C1orf141: variants seen among roughly 807,000 people sequenced by gnomAD.
C1orf141 encodes the protein uncharacterized protein C1orf141.
C1orf141 carries 19 observed loss-of-function variants against 23.2 expected under a neutral mutation model. The observed-to-expected ratio is 0.82, with a 90% confidence interval of 0.57 to 1.20. C1orf141 has a LOEUF of 1.20. Among genes scored for constraint, C1orf141 ranks in the 50% most tolerant of loss-of-function variants. The probability of loss-of-function intolerance (pLI) is 0.00; values close to 1 mark genes in which losing one functional copy is unlikely to be tolerated. For missense variants in C1orf141, 469 were observed against 455.1 expected, an observed-to-expected ratio of 1.03 and a Z score of -0.28; for synonymous variants, 153 against 154.6, an observed-to-expected ratio of 0.99 and a Z score of 0.08.
intron 7 of C1orf141, chr1:67,094,126 G>A (rs1174222730): frequency 6.6e-6 from 1 of 152,116 alleles, no homozygotes; most frequent in Non-Finnish European, 1.5e-5. Context: ...CACAATACCT[G>A]ACACCTAAAA....
At chr1:67,126,613 C>T (rs920394641) in intron 3 of C1orf141, among the ~76,000 whole-genome samples, 2 of 152,158 alleles carry the variant, frequency 1.3e-5, no homozygotes, top group Non-Finnish European at 2.9e-5. Flanking sequence ...AAAACAACTG[C>T]CCCCAGCTAT....
chr1:67,095,190 T>C, intron 7 of C1orf141, 45 bp downstream of exon 7: 2 of 1,129,982 alleles, frequency 1.8e-6, no homozygotes, highest in Non-Finnish European at 1.3e-6. Flanking sequence ...CCATAAGTCT[T>C]ATGACTACAC....
At chr1:67,116,302 C>G (rs577273226) in intron 4 of C1orf141, among the ~76,000 whole-genome samples, 1 of 152,278 alleles carries the variant, frequency 6.6e-6, no homozygotes, top group East Asian at 1.9e-4. Context: ...TTCTCTTTCT[C>G]TCTTTTTCCA....
In C1orf141 at chr1:67,092,978, C is replaced by T. The variant is rs776827907; in HGVS notation, c.*27G>A. ...GAACTTGGATATTTGCTTCTTGTTA[C>T]TCAAATATTGCTGCATACATAATAT... On this transcript the variant is annotated 3_prime_UTR_variant, in exon 8 of 8. Transcript: ENST00000684719. 3.3e-6 allele frequency: 5 copies of T among 1,511,202 alleles called. No individual in the cohort carries two copies. In the South Asian group the frequency reaches 5.0e-5, roughly 15 times the overall value. 93.6% of individuals were successfully genotyped at this position (1,511,202 alleles called of 1,614,324 possible). A position where few individuals can be genotyped will look rare whatever the true frequency, so the allele number is the denominator to read the frequency against.
In C1orf141 at chr1:67,093,431, G is replaced by T; in HGVS notation, c.777C>A (p.Gly259=). ...RNCEILKSII[G]NQSISLFKPQ... ...GTTTGAAAAGAGAAATAGATTGATT[G>T]CCAATTATAGATTTGAGGATTTCAC... The change falls in exon 8 of 8, where the codon GGC becomes GGA. Residue 259 remains glycine, a synonymous_variant. Transcript: ENST00000684719. 6.2e-7 allele frequency: 1 copy of T among 1,610,820 alleles called. No individual in the cohort carries two copies. The highest frequency in any genetic ancestry group is 8.5e-7 in the Non-Finnish European group (1 of 1,177,610).
chr1:67,093,718 A>C lies in C1orf141; in HGVS notation c.604-114T>G, dbSNP rs976041355. 2.1e-5 allele frequency: 15 copies of C among 724,836 alleles called. No homozygotes were observed. In the African/African-American group the frequency reaches 2.2e-4, roughly 10 times the overall value. The allele number at this position is 724,836 out of a possible 1,614,324, so 44.9% of individuals were successfully genotyped here. The stretch of plus-strand genomic sequence containing the variant: ...AATATTCTAAAAATGACTACATACA[A>C]ATATTTAATATGAACAGTAGCATTA... On this transcript the variant is annotated intron_variant, in intron 7 of 7. Transcript: ENST00000684719.
Position 67,093,560 on chromosome 1 carries a change from A to G in C1orf141, c.648T>C (p.Tyr216=), listed in dbSNP as rs1470445485. The change falls in exon 8 of 8, where the codon TAT becomes TAC. Residue 216 remains tyrosine, a synonymous_variant. Coordinates refer to ENST00000684719, the MANE Select transcript of C1orf141 (RefSeq NM_001276351.2). ...TTTTTGTCAAAAGTAACATTCGTAC[A>G]TATTCTGTGTCATGGAAAATTATGG... The part of the protein sequence containing the change: ...TNPIIFHDTE[Y]VRMLLLTKNR... 6 of 1,595,322 alleles carry G rather than the reference A, an allele frequency of 3.8e-6. No homozygotes were observed. Among genetic ancestry groups the G allele is most frequent in the East Asian group, 4.5e-5 (2 of 44,622 alleles).
intron 1 of C1orf141, among the ~76,000 whole-genome samples, chr1:67,134,148 C>G (rs1363590989): frequency 1.3e-5 from 2 of 152,142 alleles, no homozygotes; most frequent in Non-Finnish European, 2.9e-5. Flanking sequence ...GGACTACAGG[C>G]GCCCACCACC....
At chr1:67,115,826 G>A (rs2102468054) in intron 4 of C1orf141, among the ~76,000 whole-genome samples, 1 of 152,260 alleles carries the variant, frequency 6.6e-6, no homozygotes, top group African/African-American at 2.4e-5. Flanking sequence ...TAGAGTTAGG[G>A]AATTCAGGTA....
At chr1:67,139,858 G>T (rs766803173), upstream of C1orf141, among the ~76,000 whole-genome samples, 52 of 152,158 alleles carry the variant, frequency 3.4e-4, no homozygotes, top group Admixed American at 2.1e-3. Flanking sequence ...GCCTTTAAAA[G>T]GTTCTTGGGT....
At chr1:67,121,951 AGG>A (rs1026977808) in intron 4 of C1orf141, 38 of 152,234 alleles carry the variant, frequency 2.5e-4, no homozygotes, top group African/African-American at 8.9e-4. Context: ...AGCCATGACG[AGG>A]GGTGAGATCA....
At chr1:67,103,430 C>A in intron 5 of C1orf141, 1 of 1,115,252 alleles carries the variant, frequency 9.0e-7, no homozygotes, top group South Asian at 3.3e-5. Context: ...TATTTCTTTC[C>A]GTGTATATTA....
In C1orf141 at chr1:67,092,892, G is replaced by T; in HGVS notation, c.*113C>A. On this transcript the variant is annotated 3_prime_UTR_variant, in exon 8 of 8. Transcript: ENST00000684719. ...CTTATAATTCTAATGTCTATGCTTT[G>T]CTTTCTTATATGATCAATTAGAACA... The T allele has an allele frequency of 1.2e-6, 1 of 809,490 alleles. No homozygotes were observed. Among genetic ancestry groups the T allele is most frequent in the Non-Finnish European group, 1.9e-6 (1 of 519,054 alleles). 50.1% of individuals were successfully genotyped at this position (809,490 alleles called of 1,614,324 possible).
At chr1:67,112,649 C>T (rs557296892) in intron 5 of C1orf141, among the ~76,000 whole-genome samples, 10 of 151,986 alleles carry the variant, frequency 6.6e-5, no homozygotes, top group South Asian at 4.2e-4. Flanking sequence ...TGCAGTGAGC[C>T]GTGACCACAC....
At chr1:67,119,262 A>G (rs758481899) in intron 4 of C1orf141, among the ~76,000 whole-genome samples, 2 of 152,234 alleles carry the variant, frequency 1.3e-5, no homozygotes, top group Non-Finnish European at 2.9e-5. Flanking sequence ...GAAGTAAATA[A>G]CATGTTATTG....
intron 5 of C1orf141, among the ~76,000 whole-genome samples, chr1:67,099,443 T>A (rs1042935993): frequency 2.0e-5 from 3 of 152,084 alleles, no homozygotes; most frequent in Non-Finnish European, 4.4e-5. Context: ...CAGGTCACCA[T>A]TGAAAGAATG....
chr1:67,095,062 T>C (rs181530798), intron 7 of C1orf141, 173 bp downstream of exon 7: 114 of 484,566 alleles, frequency 2.4e-4, no homozygotes, highest in African/African-American at 2.1e-3. Context: ...GAATCCCTGG[T>C]TTGGGAGTTG....
Position 67,127,217 on chromosome 1 carries a change from C to G in C1orf141, c.24G>C (p.Lys8Asn), listed in dbSNP as rs1363339652. 1 of 1,608,728 alleles carries G rather than the reference C, an allele frequency of 6.2e-7. No homozygotes were observed. Among genetic ancestry groups the G allele is most frequent in the Non-Finnish European group, 8.5e-7 (1 of 1,177,952 alleles). Residue 8 changes from lysine to asparagine, a missense_variant, in exon 3 of 8, where the codon AAG becomes AAC. Coordinates refer to ENST00000684719, the MANE Select transcript of C1orf141 (RefSeq NM_001276351.2). MAEKILE[K>N]LDVLDKQAEI... ...CTGCTTGCTTATCAAGGACATCCAA[C>G]TTCTCTAGGATTTTTTCTGCCATTG... is the stretch of plus-strand genomic sequence containing the variant.
At chr1:67,128,283 C>A (rs1049527112) in intron 2 of C1orf141, among the ~76,000 whole-genome samples, 1 of 151,966 alleles carries the variant, frequency 6.6e-6, no homozygotes, top group Non-Finnish European at 1.5e-5. Flanking sequence ...CACAGAGTAC[C>A]CTATTAGTGT....
Sources: allele counts gnomAD v4.1 joint callset (sites outside exome capture counted in the v4.1 genomes callset), GRCh38; gene constraint gnomAD v4.1.1; transcripts MANE v1.5; gene names NCBI Gene and HGNC (gene_info 2026-07-23, HGNC 2026-07-21).